The following LAMP2 variants were observed in gnomAD, a reference collection of about 807,000 sequenced individuals.
LAMP2 encodes the protein lysosome associated membrane protein 2, also known as lysosome-associated membrane glycoprotein 2.
Under a neutral mutation model 25.6 loss-of-function variants are expected in LAMP2, and 4 were observed. The observed-to-expected ratio is 0.16, with a 90% confidence interval of 0.08 to 0.36. LAMP2 has a LOEUF of 0.36. Ranked by LOEUF, LAMP2 falls within the 10% of genes least tolerant of loss-of-function variation. The pLI is 1.00. For missense variants in LAMP2, 272 were observed against 301.4 expected (o/e 0.90, Z 0.72); for synonymous variants, 108 against 112.7 (o/e 0.96, Z 0.27).
At position 120,455,590 on chromosome X, in the gene LAMP2, G is replaced by T; in HGVS notation, c.184-20C>A. 1 of 1,149,836 alleles carries T rather than the reference G, an allele frequency of 8.7e-7. No individual in the cohort carries two copies. The highest frequency in any genetic ancestry group is 3.0e-5 in the East Asian group (1 of 33,536). 94.8% of individuals were successfully genotyped at this position (1,149,836 alleles called of 1,213,427 possible). ...AGTTTTCTAAAAGAAATAGAAATTT[G>T]GGGGTGAGAAACAAACAGGCAGCAA... is the stretch of plus-strand genomic sequence containing the variant. On this transcript the variant is annotated intron_variant, in intron 2 of 8. Transcript: ENST00000200639.
At chrX:120,433,870 C>T (rs764462918) in intron 8 of LAMP2, among the ~76,000 whole-genome samples, 1 of 111,959 alleles carries the variant, frequency 8.9e-6, no homozygotes, top group Admixed American at 9.5e-5. Flanking sequence ...AAGAAATGTG[C>T]CAAGCTTTCC....
chrX:120,428,993 T>C lies in LAMP2; in HGVS notation c.*2330A>G, dbSNP rs1471365499. On this transcript the variant is annotated 3_prime_UTR_variant, in exon 9 of 9. Coordinates refer to ENST00000200639, the MANE Select transcript of LAMP2 (RefSeq NM_002294.3). ...CTCTTTCTCTTCGTCACACCTATAATTAAAGTATAAATAAGAATTCTGTAT... is the reference window on the plus strand; with the variant it reads ...CTCTTTCTCTTCGTCACACCTATAACTAAAGTATAAATAAGAATTCTGTAT... 9 of 669,897 alleles carry C rather than the reference T, an allele frequency of 1.3e-5. No homozygotes were observed. Among genetic ancestry groups the C allele is most frequent in the Non-Finnish European group, 1.6e-5 (9 of 566,057 alleles). The allele number at this position is 669,897 out of a possible 1,213,427, so 55.2% of individuals were successfully genotyped here. A position where few individuals can be genotyped will look rare whatever the true frequency, so the allele number is the denominator to read the frequency against.
chrX:120,440,443 T>C (rs1489089894), intron 8 of LAMP2, among the ~76,000 whole-genome samples: 4 of 112,249 alleles, frequency 3.6e-5, no homozygotes, highest in Non-Finnish European at 7.5e-5. Flanking sequence ...GTTGTATTTA[T>C]AGGTACCCAC....
At chrX:120,467,311 T>G (rs1302374846) in intron 1 of LAMP2, among the ~76,000 whole-genome samples, 1 of 111,941 alleles carries the variant, frequency 8.9e-6, no homozygotes, top group Non-Finnish European at 1.9e-5. Context: ...GAGATGATTC[T>G]TTGTTGTCAG....
chrX:120,467,168 T>C (rs1488169441), intron 1 of LAMP2, among the ~76,000 whole-genome samples: 1 of 108,381 alleles, frequency 9.2e-6, no homozygotes, highest in African/African-American at 3.4e-5. Context: ...TTCTTAACCT[T>C]ATTCCGAAGT....
At chrX:120,468,990 G>A in intron 1 of LAMP2, 116 bp downstream of exon 1, 1 of 856,191 alleles carries the variant, frequency 1.2e-6, no homozygotes, top group Non-Finnish European at 1.7e-6. Flanking sequence ...GCCGCCCAGT[G>A]TTAGCTGCTG....
intron 6 of LAMP2, 46 bp downstream of exon 6, chrX:120,446,259 G>T: frequency 8.6e-7 from 1 of 1,156,253 alleles, no homozygotes; most frequent in Non-Finnish European, 1.2e-6. Flanking sequence ...ACTTTCAGAT[G>T]TGTTTCTAAG....
At chrX:120,442,228 C>CAAA (rs1157951288) in intron 7 of LAMP2, among the ~76,000 whole-genome samples, 154 of 29,639 alleles carry the variant, frequency 5.2e-3, no homozygotes, top group African/African-American at 0.012. Context: ...GACCCTGTCT[C>CAAA]AAAAAAAAAA....
intron 1 of LAMP2, among the ~76,000 whole-genome samples, chrX:120,460,332 G>C (rs1921265185): frequency 1.8e-5 from 2 of 110,309 alleles, no homozygotes; most frequent in Non-Finnish European, 3.8e-5. Context: ...CTGTCTTCAG[G>C]GTGGTAGAGG....
Position 120,427,405 on chromosome X carries a change from G to A in LAMP2, c.*3918C>T, listed in dbSNP as rs1319417124. On this transcript the variant is annotated 3_prime_UTR_variant, in exon 9 of 9. Coordinates refer to ENST00000200639, the MANE Select transcript of LAMP2 (RefSeq NM_002294.3). ...TCTCCAGTACCTTACTCCAGAAGCC[G>A]GAGCCATTAGCAGTCCCTACAGGGA... Among the ~76,000 whole-genome samples, 1 of 110,847 alleles carries A rather than the reference G, an allele frequency of 9.0e-6. No individual in the cohort carries two copies. Among genetic ancestry groups the A allele is most frequent in the Non-Finnish European group, 1.9e-5 (1 of 52,959 alleles).
chrX:120,460,692 T>G (rs1921278657), intron 1 of LAMP2, among the ~76,000 whole-genome samples: 1 of 112,200 alleles, frequency 8.9e-6, no homozygotes, highest in Non-Finnish European at 1.9e-5. Flanking sequence ...GGTTCACGCC[T>G]GTAATCCCAG....
chrX:120,447,571 A>G lies in LAMP2; in HGVS notation c.741+270T>C, dbSNP rs922171235. The stretch of plus-strand genomic sequence containing the variant: ...AAAAAATACAAAAAATTAGCCGGGC[A>G]TGGTGGCAGGCGCCTGTAGTCCCAG... On this transcript the variant is annotated intron_variant, in intron 5 of 8. Coordinates refer to ENST00000200639, the MANE Select transcript of LAMP2 (RefSeq NM_002294.3). 8.3e-5 allele frequency among the ~76,000 whole-genome samples: 9 copies of G among 108,968 alleles called. No individual in the cohort carries two copies. The South Asian group carries it at 1.2e-3, about 15-fold the overall frequency. The allele number at this position is 108,968 out of a possible 115,157, so 94.6% of individuals were successfully genotyped here.
At position 120,439,391 on chromosome X, in the gene LAMP2, C is replaced by CAG. The variant is rs1447247395; in HGVS notation, c.1093+2338_1093+2339insCT. On this transcript the variant is annotated intron_variant, in intron 8 of 8. Transcript: ENST00000200639. The stretch of plus-strand genomic sequence containing the variant: ...GATTTAAAAGTCAGAAATGTTCTTA[C>CAG]AAGATCAACTTCAAGTAACTAAGAC... 28 of 817,390 alleles carry CAG rather than the reference C, an allele frequency of 3.4e-5. No individual in the cohort carries two copies. The South Asian group carries it at 5.7e-4, about 17-fold the overall frequency. The allele number at this position is 817,390 out of a possible 1,213,427, so 67.4% of individuals were successfully genotyped here.
intron 2 of LAMP2, 22 bp from the exon 3 acceptor site, chrX:120,455,592 G>A: frequency 8.8e-7 from 1 of 1,141,515 alleles, no homozygotes; most frequent in East Asian, 3.0e-5. Flanking sequence ...AGAAATTTGG[G>A]GGTGAGAAAC....
chrX:120,445,869 C>A (rs1281078889), intron 6 of LAMP2, among the ~76,000 whole-genome samples: 2 of 112,021 alleles, frequency 1.8e-5, no homozygotes, highest in South Asian at 3.7e-4. Flanking sequence ...ATAGATGTTA[C>A]CTATTTTTAT....
In LAMP2 at chrX:120,429,018, T is replaced by A; in HGVS notation, c.*2305A>T. 10 of 628,098 alleles carry A rather than the reference T, an allele frequency of 1.6e-5. No individual in the cohort carries two copies. The highest frequency in any genetic ancestry group is 1.9e-5 in the Non-Finnish European group (10 of 525,714). The allele number at this position is 628,098 out of a possible 1,213,427, so 51.8% of individuals were successfully genotyped here. On this transcript the variant is annotated 3_prime_UTR_variant, in exon 9 of 9. Coordinates refer to ENST00000200639, the MANE Select transcript of LAMP2 (RefSeq NM_002294.3). ...TTAAAGTATAAATAAGAATTCTGTA[T>A]AAGTAATAAAATTTAAGTTAAAAAA...
Position 120,431,199 on chromosome X carries a change from G to A in LAMP2, c.*124C>T, listed in dbSNP as rs749090092. 38 of 1,176,913 alleles carry A rather than the reference G, an allele frequency of 3.2e-5. 1 individual carries two copies. The highest frequency in any genetic ancestry group is 5.8e-4 in the Middle Eastern group (2 of 3,426). ...AATAAAGACTGATCTCAAAATGCTGGGATTGATAAAAGAATTAAAGTTTCA... is the reference window on the plus strand; with the variant it reads ...AATAAAGACTGATCTCAAAATGCTGAGATTGATAAAAGAATTAAAGTTTCA... On this transcript the variant is annotated 3_prime_UTR_variant, in exon 9 of 9. Coordinates refer to ENST00000200639, the MANE Select transcript of LAMP2 (RefSeq NM_002294.3).
At chrX:120,459,367 A>G (rs1921229785) in intron 1 of LAMP2, among the ~76,000 whole-genome samples, 1 of 112,584 alleles carries the variant, frequency 8.9e-6, no homozygotes, top group South Asian at 3.6e-4. Flanking sequence ...TGCAGTAAGG[A>G]GGACCACTTG....
Position 120,441,785 on chromosome X carries a change from A to G in LAMP2, c.1038T>C (p.Asn346=). The G allele has an allele frequency of 8.3e-7, 1 of 1,207,286 alleles. No individual in the cohort carries two copies. The highest frequency in any genetic ancestry group is 1.1e-6 in the Non-Finnish European group (1 of 891,225). Residue 346 remains asparagine, a synonymous_variant, in exon 8 of 9, where the codon AAT becomes AAC. Coordinates refer to ENST00000200639, the MANE Select transcript of LAMP2 (RefSeq NM_002294.3). ...AAGGCTGAACCCTTAGATCAAAGGT[A>G]TTTATCTGAAATGCTCCAGACACTG... ...TVSVSGAFQI[N]TFDLRVQPFN...
Sources: gnomAD v4.1 joint callset for allele counts (sites outside exome capture counted in the v4.1 genomes callset) on GRCh38, gnomAD v4.1.1 for gene constraint, MANE v1.5 for transcripts, NCBI Gene and HGNC (gene_info 2026-07-23, HGNC 2026-07-21) for gene names.